The following KLHL28 variants were observed in gnomAD, a reference collection of about 807,000 sequenced individuals.
KLHL28 encodes the protein kelch like family member 28, also known as kelch-like protein 28.
In KLHL28, 22 loss-of-function variants were observed where a neutral mutation model predicts 48.3. The ratio of observed to expected loss-of-function variants is 0.46; its 90% CI spans 0.33 to 0.65. The LOEUF (loss-of-function observed/expected upper bound fraction) is 0.65. Among genes scored for constraint, KLHL28 ranks in the 30% least tolerant of loss-of-function variants. KLHL28 has a pLI of 0.03. For synonymous variants in KLHL28, 243 were observed against 242.4 expected, an observed-to-expected ratio of 1.00 and a Z score of -0.02; for missense variants, 527 against 704.3, an observed-to-expected ratio of 0.75 and a Z score of 2.85.
chr14:44,949,636 C>G (rs1007649169), intron 1 of KLHL28, among the ~76,000 whole-genome samples: 17 of 151,974 alleles, frequency 1.1e-4, no homozygotes, highest in Admixed American at 3.9e-4. Context: ...CTGCAAAGGA[C>G]AGCAAAAGCA....
At chr14:44,952,057 C>A (rs538774896) in intron 1 of KLHL28, among the ~76,000 whole-genome samples, 7 of 152,060 alleles carry the variant, frequency 4.6e-5, no homozygotes, top group Non-Finnish European at 1.0e-4. Context: ...GAAGGAGTTT[C>A]ACCATGTTGC....
At chr14:44,936,986 A>G (rs1883852532) in intron 2 of KLHL28, among the ~76,000 whole-genome samples, 1 of 152,184 alleles carries the variant, frequency 6.6e-6, no homozygotes, top group Non-Finnish European at 1.5e-5. Flanking sequence ...CAAAGAGTGG[A>G]ATGTGTGAAC....
chr14:44,944,988 A>C, intron 2 of KLHL28, 42 bp downstream of exon 2: 2 of 1,356,200 alleles, frequency 1.5e-6, no homozygotes, highest in Non-Finnish European at 2.0e-6. Context: ...AAAAAGCATA[A>C]AATCAATTAG....
chr14:44,957,684 A>G lies in KLHL28; in HGVS notation c.-1+4162T>C, dbSNP rs1594587111. On this transcript the variant is annotated intron_variant, in intron 1 of 4. Coordinates refer to ENST00000396128, the MANE Select transcript of KLHL28 (RefSeq NM_017658.5). ...TTCATCCTCAGAGCAACAATATAAT[A>G]GGCACTGTTATTATTACCACCATTT... is the stretch of plus-strand genomic sequence containing the variant. Among the ~76,000 whole-genome samples, 4 of 152,314 alleles carry G rather than the reference A, an allele frequency of 2.6e-5. No individual in the cohort carries two copies. The South Asian group carries it at 8.3e-4, about 32-fold the overall frequency.
intron 1 of KLHL28, among the ~76,000 whole-genome samples, chr14:44,948,331 C>T (rs1884425127): frequency 6.6e-6 from 1 of 152,046 alleles, no homozygotes; most frequent in South Asian, 2.1e-4. Flanking sequence ...TATTGTACTA[C>T]AGTAGTACTA....
chr14:44,955,074 C>G (rs1313331271), intron 1 of KLHL28, among the ~76,000 whole-genome samples: 1 of 151,964 alleles, frequency 6.6e-6, no homozygotes, highest in East Asian at 1.9e-4. Context: ...GATATTCTAT[C>G]AACCCTAGGG....
At chr14:44,954,781 A>G (rs942123066) in intron 1 of KLHL28, among the ~76,000 whole-genome samples, 3 of 152,222 alleles carry the variant, frequency 2.0e-5, no homozygotes, top group African/African-American at 7.2e-5. Context: ...TGGAATCAGA[A>G]AAGTATTTTA....
Position 44,926,164 on chromosome 14 carries a change from A to G in KLHL28, c.*2864T>C, listed in dbSNP as rs2138568040. 6.6e-6 allele frequency: 1 copy of G among 152,338 alleles called. No individual in the cohort carries two copies. Among genetic ancestry groups the G allele is most frequent in the Non-Finnish European group, 1.5e-5 (1 of 68,016 alleles). 9.4% of individuals were successfully genotyped at this position (152,338 alleles called of 1,614,324 possible). A position where few individuals can be genotyped will look rare whatever the true frequency, so the allele number is the denominator to read the frequency against. On this transcript the variant is annotated 3_prime_UTR_variant, in exon 5 of 5. Coordinates refer to ENST00000396128, the MANE Select transcript of KLHL28 (RefSeq NM_017658.5). ...TTTGTAAAAGAAGGCGCTAATGTAAACATATTAGTTGTCAGGTCAGATTAG... is the reference window on the plus strand; with the variant it reads ...TTTGTAAAAGAAGGCGCTAATGTAAGCATATTAGTTGTCAGGTCAGATTAG...
intron 2 of KLHL28, among the ~76,000 whole-genome samples, chr14:44,943,717 CTT>C (rs112454594): frequency 7.1e-6 from 1 of 141,274 alleles, no homozygotes; most frequent in Non-Finnish European, 1.5e-5. Context: ...TATTATCGGA[CTT>C]TTTTTTTTTT....
intron 1 of KLHL28, among the ~76,000 whole-genome samples, chr14:44,950,033 C>G (rs1210545869): frequency 6.6e-6 from 1 of 151,888 alleles, no homozygotes; most frequent in Non-Finnish European, 1.5e-5. Flanking sequence ...GGTAATGGAA[C>G]AGAGGTACTG....
At chr14:44,930,053 ATTATC>A (rs1011849307) in intron 4 of KLHL28, among the ~76,000 whole-genome samples, 13 of 152,292 alleles carry the variant, frequency 8.5e-5, no homozygotes, top group African/African-American at 3.1e-4. Flanking sequence ...TACTTTAGAT[ATTATC>A]TTATATAGTT....
intron 2 of KLHL28, among the ~76,000 whole-genome samples, chr14:44,943,965 T>C (rs1361042155): frequency 6.6e-6 from 1 of 152,166 alleles, no homozygotes; most frequent in African/African-American, 2.4e-5. Flanking sequence ...TCCTCCTGTG[T>C]TGGCCTCCCA....
At chr14:44,961,009 AAAT>A in intron 1 of KLHL28, 4 of 811,822 alleles carry the variant, frequency 4.9e-6, no homozygotes, top group East Asian at 2.7e-5. Flanking sequence ...CAAAAAAAAA[AAAT>A]ATCTCTTCCA....
chr14:44,938,411 G>A (rs761503450), intron 2 of KLHL28, among the ~76,000 whole-genome samples: 1 of 151,034 alleles, frequency 6.6e-6, no homozygotes, highest in African/African-American at 2.4e-5. Context: ...TCGCTCTATC[G>A]CCCAGGCTGG....
chr14:44,930,829 T>C (rs1015906856), intron 4 of KLHL28, among the ~76,000 whole-genome samples: 1 of 152,176 alleles, frequency 6.6e-6, no homozygotes, highest in Non-Finnish European at 1.5e-5. Context: ...TGAGTTTGAG[T>C]TCAAAGATAA....
In KLHL28 at chr14:44,925,324, G is replaced by C. The variant is rs1408034428; in HGVS notation, c.*3704C>G. The stretch of plus-strand genomic sequence containing the variant: ...TATATTTCTCTCAATGTCAGCCAGA[G>C]TCTTGATACTACAGGAAATATATAT... On this transcript the variant is annotated 3_prime_UTR_variant, in exon 5 of 5. Coordinates refer to ENST00000396128, the MANE Select transcript of KLHL28 (RefSeq NM_017658.5). 6.6e-6 allele frequency: 1 copy of C among 152,052 alleles called. No homozygotes were observed. The highest frequency in any genetic ancestry group is 2.4e-5 in the African/African-American group (1 of 41,424). The allele number at this position is 152,052 out of a possible 1,614,324, so 9.4% of individuals were successfully genotyped here.
intron 2 of KLHL28, among the ~76,000 whole-genome samples, chr14:44,939,786 C>T (rs1185202246): frequency 6.6e-6 from 1 of 152,160 alleles, no homozygotes; most frequent in Admixed American, 6.6e-5. Context: ...TGAGCCCTCA[C>T]CAGAATCACC....
rs1883386066 is a variant in KLHL28 at position 44,926,752 on chromosome 14, C to G, written c.*2276G>C. ...CGAACTCCTGACCTCAGGTGATATA[C>G]CCGCCTTGGCCTCTCCAAGTGCTGG... On this transcript the variant is annotated 3_prime_UTR_variant, in exon 5 of 5. Transcript: ENST00000396128. 1 of 152,244 alleles carries G rather than the reference C, an allele frequency of 6.6e-6. No individual in the cohort carries two copies. The highest frequency in any genetic ancestry group is 2.4e-5 in the African/African-American group (1 of 41,454). The allele number at this position is 152,244 out of a possible 1,614,324, so 9.4% of individuals were successfully genotyped here.
At chr14:44,938,954 T>C (rs905094993) in intron 2 of KLHL28, among the ~76,000 whole-genome samples, 7 of 152,224 alleles carry the variant, frequency 4.6e-5, no homozygotes, top group African/African-American at 1.7e-4. Context: ...CTGTAGTGCT[T>C]CTGCCTCAAG....
Sources: gnomAD v4.1 joint callset for allele counts (sites outside exome capture counted in the v4.1 genomes callset) on GRCh38, gnomAD v4.1.1 for gene constraint, MANE v1.5 for transcripts, NCBI Gene and HGNC (gene_info 2026-07-23, HGNC 2026-07-21) for gene names.